The following ZNF385D variants were observed in gnomAD, a reference collection of about 807,000 sequenced individuals.
ZNF385D encodes the protein zinc finger protein 659.
ZNF385D carries 15 observed loss-of-function variants against 35.8 expected under a neutral mutation model. The observed-to-expected ratio is 0.42, with a 90% confidence interval of 0.28 to 0.64. ZNF385D has a LOEUF of 0.64. Ranked by LOEUF, ZNF385D falls within the 30% of genes least tolerant of loss-of-function variation. The probability of loss-of-function intolerance (pLI) is 0.23; values close to 1 mark genes in which losing one functional copy is unlikely to be tolerated. For missense variants in ZNF385D, 474 were observed against 494.6 expected (o/e 0.96, Z 0.39); for synonymous variants, 212 against 186.8 (o/e 1.13, Z -1.10).
intron 4 of ZNF385D, among the ~76,000 whole-genome samples, chr3:21,461,230 T>C (rs1486552660): frequency 6.6e-6 from 1 of 152,180 alleles, no homozygotes; most frequent in Admixed American, 6.5e-5. Context: ...TCTTCACATT[T>C]AGAATATTTG....
At chr3:21,940,136 T>C (rs1162022756) in intron 3 of ZNF385D, among the ~76,000 whole-genome samples, 1 of 152,204 alleles carries the variant, frequency 6.6e-6, no homozygotes, top group Non-Finnish European at 1.5e-5. Flanking sequence ...TTGCGTTATT[T>C]TATAAGTTTC....
intron 3 of ZNF385D, among the ~76,000 whole-genome samples, chr3:21,905,205 C>CA (rs63147760): frequency 0.078 from 5,413 of 69,128 alleles, 81 homozygotes; most frequent in African/African-American, 0.09. Flanking sequence ...ACAAAAAATC[C>CA]AAAAAAAAAA....
intron 3 of ZNF385D, among the ~76,000 whole-genome samples, chr3:21,974,593 C>T (rs954412716): frequency 1.5e-4 from 23 of 151,972 alleles, no homozygotes; most frequent in Non-Finnish European, 3.2e-4. Flanking sequence ...AAGTAAACAG[C>T]TCCTGCACAG....
At chr3:22,338,965 T>C (rs775439639) in intron 2 of ZNF385D, among the ~76,000 whole-genome samples, 10 of 151,990 alleles carry the variant, frequency 6.6e-5, no homozygotes, top group Admixed American at 3.9e-4. Context: ...CCTCCCAAAG[T>C]GTTAGGATTA....
At chr3:21,995,690 C>T (rs1358443627) in intron 3 of ZNF385D, among the ~76,000 whole-genome samples, 2 of 151,604 alleles carry the variant, frequency 1.3e-5, no homozygotes, top group African/African-American at 2.4e-5. Context: ...GTGGCGGTTA[C>T]AGTGGTAGGC....
At chr3:21,881,257 T>A (rs117770759) in intron 3 of ZNF385D, among the ~76,000 whole-genome samples, 3 of 151,956 alleles carry the variant, frequency 2.0e-5, no homozygotes, top group Admixed American at 2.0e-4. Context: ...GTGCCTGGCA[T>A]CAAATTTTCA....
chr3:22,195,337 A>C (rs1241147693), intron 2 of ZNF385D, among the ~76,000 whole-genome samples: 1 of 151,894 alleles, frequency 6.6e-6, no homozygotes, highest in Non-Finnish European at 1.5e-5. Flanking sequence ...AAGTCTGTTG[A>C]CTGGAGTTTT....
At chr3:21,905,205 CAAAAAAAAAA>C (rs63147760) in intron 3 of ZNF385D, among the ~76,000 whole-genome samples, 1 of 69,730 alleles carries the variant, frequency 1.4e-5, no homozygotes, top group African/African-American at 5.7e-5. Flanking sequence ...ACAAAAAATC[CAAAAAAAAAA>C]AAAAAAAAAA....
At chr3:22,281,977 G>T (rs1701769815) in intron 2 of ZNF385D, among the ~76,000 whole-genome samples, 1 of 151,914 alleles carries the variant, frequency 6.6e-6, no homozygotes, top group African/African-American at 2.4e-5. Flanking sequence ...AATCTAGGAG[G>T]GTTGTATATT....
chr3:22,196,483 T>C (rs960199573), intron 2 of ZNF385D, among the ~76,000 whole-genome samples: 2 of 152,118 alleles, frequency 1.3e-5, no homozygotes, highest in African/African-American at 4.8e-5. Flanking sequence ...TTCTTTTTTC[T>C]TTCTCTTGCA....
intron 2 of ZNF385D, among the ~76,000 whole-genome samples, chr3:21,577,802 TA>T (rs1375934635): frequency 1.3e-5 from 2 of 151,728 alleles, no homozygotes; most frequent in African/African-American, 4.8e-5. Context: ...GCCATTTGTA[TA>T]TTTTTTTTCT....
chr3:21,895,469 A>T (rs1699086602), intron 3 of ZNF385D, among the ~76,000 whole-genome samples: 1 of 150,772 alleles, frequency 6.6e-6, no homozygotes, highest in Admixed American at 6.6e-5. Flanking sequence ...TGGGGACTAC[A>T]GGCTCATAGC....
chr3:21,781,443 C>T (rs1362009766), intron 3 of ZNF385D, among the ~76,000 whole-genome samples: 1 of 152,004 alleles, frequency 6.6e-6, no homozygotes, highest in Non-Finnish European at 1.5e-5. Flanking sequence ...GCACAGCAAA[C>T]ATTAAATGTA....
intron 3 of ZNF385D, among the ~76,000 whole-genome samples, chr3:22,139,623 G>C (rs907535115): frequency 3.3e-5 from 5 of 151,888 alleles, no homozygotes; most frequent in Non-Finnish European, 7.4e-5. Flanking sequence ...TGTGGGGTGG[G>C]GGGAGGAGGG....
intron 1 of ZNF385D, among the ~76,000 whole-genome samples, chr3:21,692,879 C>A (rs542870130): frequency 6.6e-6 from 1 of 152,156 alleles, no homozygotes; most frequent in African/African-American, 2.4e-5. Context: ...ATGCTACTGT[C>A]CAGAATTTTA....
intron 3 of ZNF385D, among the ~76,000 whole-genome samples, chr3:22,102,497 T>A (rs1028922424): frequency 6.6e-6 from 1 of 152,016 alleles, no homozygotes; most frequent in African/African-American, 2.4e-5. Flanking sequence ...TGTACAATAT[T>A]TTAACTCAAG....
intron 3 of ZNF385D, among the ~76,000 whole-genome samples, chr3:21,530,403 C>T (rs1466130765): frequency 6.6e-6 from 1 of 152,172 alleles, no homozygotes; most frequent in Non-Finnish European, 1.5e-5. Flanking sequence ...GTACTGGAGT[C>T]TCCATCCTGG....
intron 2 of ZNF385D, among the ~76,000 whole-genome samples, chr3:21,603,503 T>C (rs909858842): frequency 1.2e-4 from 18 of 152,358 alleles, no homozygotes; most frequent in Non-Finnish European, 2.5e-4. Context: ...ACATAAGTTA[T>C]GTTACATCTG....
Position 21,809,240 on chromosome 3 carries a change from G to A in ZNF385D, c.326-144212C>T, listed in dbSNP as rs372347653. On this transcript the variant is annotated intron_variant, in intron 3 of 5. Coordinates refer to the ZNF385D transcript ENST00000494108. ...ACTACTCTTGAAAAAATGGAAAAAT[G>A]GAATCTAAGCAAAGAAAAAGAAATA... 4.2e-3 allele frequency among the ~76,000 whole-genome samples: 636 copies of A among 152,022 alleles called. 3 individuals carry two copies. Among genetic ancestry groups the A allele is most frequent in the Non-Finnish European group, 7.3e-3 (497 of 67,960 alleles).
Sources: gnomAD v4.1 joint callset for allele counts (sites outside exome capture counted in the v4.1 genomes callset) on GRCh38, gnomAD v4.1.1 for gene constraint, MANE v1.5 for transcripts, NCBI Gene and HGNC (gene_info 2026-07-23, HGNC 2026-07-21) for gene names.